Variants in TM4SF19 observed in about 807,000 individuals in gnomAD.
TM4SF19 encodes the protein transmembrane 4 L6 family member 19.
A neutral mutation model predicts 21.8 loss-of-function variants in TM4SF19; 17 were observed. The ratio of observed to expected loss-of-function variants is 0.78; its 90% confidence interval spans 0.53 to 1.17. The LOEUF (loss-of-function observed/expected upper bound fraction) is 1.17. Ranked by LOEUF, TM4SF19 falls within the 50% of genes most tolerant of loss-of-function variation. The pLI is 0.00. For synonymous variants in TM4SF19, 107 were observed against 106.7 expected, an observed-to-expected ratio of 1.00 and a Z score of -0.02; for missense variants, 216 against 252.1, an observed-to-expected ratio of 0.86 and a Z score of 0.97.
Position 196,324,338 on chromosome 3 carries a change from C to G in TM4SF19, c.382G>C (p.Asp128His). ...TGTGTCTGATTGAAGGATGAAACAT[C>G]AAACATGCAAAAAGGACCATCTTTC... ...ALKDGPFCMF[D>H]VSSFNQTQAW... The change falls in exon 4 of 5, where the codon GAT (aspartate) becomes CAT (histidine). Residue 128 changes from aspartate (D) to histidine (H), a missense_variant. Physicochemically the swap from Asp to His is moderately conservative, Grantham distance 81. Transcript: ENST00000273695. 6.2e-7 allele frequency: 1 copy of G among 1,614,116 alleles called. No homozygotes were observed. The highest frequency in any genetic ancestry group is 8.5e-7 in the Non-Finnish European group (1 of 1,180,016).
chr3:196,333,664 C>T (rs184021608), intron 1 of TM4SF19, among the ~76,000 whole-genome samples: 74 of 152,260 alleles, frequency 4.9e-4, no homozygotes, highest in African/African-American at 1.7e-3. Context: ...ACCTGAGTGA[C>T]GGGAATCACT....
rs201610695 is a variant in TM4SF19 at position 196,337,515 on chromosome 3, G to C, written c.-2+749C>G. Among the ~76,000 whole-genome samples, 7 of 152,190 alleles carry C rather than the reference G, an allele frequency of 4.6e-5. No individual in the cohort carries two copies. In the East Asian group the frequency reaches 1.2e-3, roughly 25 times the overall value. On this transcript the variant is annotated intron_variant, in intron 1 of 4. Coordinates refer to ENST00000273695, the MANE Select transcript of TM4SF19 (RefSeq NM_138461.4). ...GTAAGAGCTCAGGAATTGGGCGAGT[G>C]GGCTCAAGCATCTACACTAAGAAGC...
intron 1 of TM4SF19, among the ~76,000 whole-genome samples, chr3:196,332,988 C>T (rs563251900): frequency 6.6e-6 from 1 of 151,720 alleles, no homozygotes; most frequent in Non-Finnish European, 1.5e-5. Context: ...TAGCTGAGAC[C>T]GCAGGCATGC....
chr3:196,323,877 CAGG>C lies in TM4SF19; in HGVS notation c.567_569del (p.Leu190del). ...GGCTGTTGATGACATGAACGACCAC[CAGG>C]AGAAGCTGGAGCAGGCTGATGCACA... On this transcript the variant is annotated inframe_deletion, in exon 5 of 5. Transcript: ENST00000273695. 1 of 1,614,170 alleles carries C rather than the reference CAGG, an allele frequency of 6.2e-7. No homozygotes were observed. The highest frequency in any genetic ancestry group is 8.5e-7 in the Non-Finnish European group (1 of 1,180,044).
intron 1 of TM4SF19, among the ~76,000 whole-genome samples, chr3:196,337,594 G>A (rs1181719603): frequency 1.3e-5 from 2 of 152,076 alleles, no homozygotes; most frequent in African/African-American, 4.8e-5. Flanking sequence ...CTGCTCCGCG[G>A]GTAAGGGAAA....
At chr3:196,324,510 CGCTGA>C (rs1727207069) in intron 3 of TM4SF19, 70 bp from the exon 4 acceptor site, 2 of 1,559,164 alleles carry the variant, frequency 1.3e-6, no homozygotes, top group African/African-American at 2.7e-5. Flanking sequence ...GGAGGAGAAA[CGCTGA>C]GCTAAGACGG....
chr3:196,324,117 GACCGTT>G (rs1727185068), intron 4 of TM4SF19, 120 bp from the exon 5 acceptor site: 1 of 1,429,886 alleles, frequency 7.0e-7, no homozygotes, highest in East Asian at 2.4e-5. Context: ...TCATGAGGGT[GACCGTT>G]ACTGCTCCAT....
At chr3:196,329,183 C>A (rs1167372310) in intron 1 of TM4SF19, among the ~76,000 whole-genome samples, 1 of 126,498 alleles carries the variant, frequency 7.9e-6, no homozygotes, top group African/African-American at 2.7e-5. Context: ...ACCTCGTGAT[C>A]CGCCTGTCTC....
At chr3:196,324,501 G>T in intron 3 of TM4SF19, 61 bp from the exon 4 acceptor site, 2 of 1,577,394 alleles carry the variant, frequency 1.3e-6, no homozygotes, top group South Asian at 2.3e-5. Context: ...CCTGCGGAGG[G>T]AGGAGAAACG....
intron 1 of TM4SF19, among the ~76,000 whole-genome samples, chr3:196,334,059 T>G (rs1020491074): frequency 2.7e-5 from 4 of 147,948 alleles, no homozygotes; most frequent in Admixed American, 6.7e-5. Context: ...AGACTCCGTC[T>G]CAAAAAAAAA....
chr3:196,327,048 G>T lies in TM4SF19; in HGVS notation c.202-16C>A. On this transcript the variant is annotated splice_polypyrimidine_tract_variant and intron_variant, in intron 2 of 4. Coordinates refer to ENST00000273695, the MANE Select transcript of TM4SF19 (RefSeq NM_138461.4). ...CAGTGAGTACCTGCAGGAGAGAGAA[G>T]AATGTTGAGATGGGGAAATCGACTT... 6.3e-7 allele frequency: 1 copy of T among 1,592,896 alleles called. No individual in the cohort carries two copies. The highest frequency in any genetic ancestry group is 8.6e-7 in the Non-Finnish European group (1 of 1,161,804).
In TM4SF19 at chr3:196,325,703, A is replaced by G. The variant is rs1727258065; in HGVS notation, c.279+1252T>C. 6.6e-6 allele frequency: 1 copy of G among 152,218 alleles called. No homozygotes were observed. Among genetic ancestry groups the G allele is most frequent in the African/African-American group, 2.4e-5 (1 of 41,458 alleles). 9.4% of individuals were successfully genotyped at this position (152,218 alleles called of 1,614,324 possible). ...TTGACTCTGAGTTAAAGGAGTCAAG[A>G]TGAATCAGTAAGCCTAGGGCAGTGG... On this transcript the variant is annotated intron_variant, in intron 3 of 4. Transcript: ENST00000273695. This position sits in a 1 kb window ranked among gnomAD's most constrained non-coding sequence, Gnocchi z 4.3.
rs1346617278 is a variant in TM4SF19 at position 196,334,644 on chromosome 3, G to A, written c.-2+3620C>T. ...AATTTTTGTATTTTTAGTAAAGACA[G>A]GGTTTCACCATGTTGGCCAGGCTGG... On this transcript the variant is annotated intron_variant, in intron 1 of 4. Coordinates refer to ENST00000273695, the MANE Select transcript of TM4SF19 (RefSeq NM_138461.4). Among the ~76,000 whole-genome samples the A allele has an allele frequency of 2.6e-5, 4 of 151,932 alleles. No individual in the cohort carries two copies. In the South Asian group the frequency reaches 8.3e-4, roughly 31 times the overall value.
At chr3:196,330,622 A>G (rs1043907009) in intron 1 of TM4SF19, among the ~76,000 whole-genome samples, 6 of 152,198 alleles carry the variant, frequency 3.9e-5, no homozygotes, top group Admixed American at 6.5e-5. Flanking sequence ...GACTACTCAC[A>G]TGTTTCTATA....
intron 1 of TM4SF19, among the ~76,000 whole-genome samples, chr3:196,332,610 C>G (rs772678290): frequency 4.6e-5 from 7 of 150,988 alleles, no homozygotes; most frequent in Admixed American, 6.6e-5. Flanking sequence ...TATGTGTGTA[C>G]GTACACACAC....
chr3:196,329,046 C>T (rs1202120217), intron 1 of TM4SF19, among the ~76,000 whole-genome samples: 6 of 149,522 alleles, frequency 4.0e-5, no homozygotes, highest in African/African-American at 9.8e-5. Flanking sequence ...CAGGTTCAAG[C>T]GATTCTCCTG....
In TM4SF19 at chr3:196,332,254, C is replaced by CA. The variant is rs1224736520; in HGVS notation, c.-1-4664dup. ...TGGGCAAGAGAGTGAGATTCGGTCT[C>CA]AAAAAAAAAAAATTAACTGCGTGGT... On this transcript the variant is annotated intron_variant, in intron 1 of 4. Transcript: ENST00000273695. Among the ~76,000 whole-genome samples, 581 of 140,084 alleles carry CA rather than the reference C, an allele frequency of 4.1e-3. 2 individuals carry two copies. Among genetic ancestry groups the CA allele is most frequent in the African/African-American group, 0.012 (474 of 38,270 alleles). The allele number at this position is 140,084 out of a possible 152,430, so 91.9% of individuals were successfully genotyped here.
intron 1 of TM4SF19, among the ~76,000 whole-genome samples, chr3:196,337,095 C>G (rs998924815): frequency 9.0e-6 from 1 of 111,452 alleles, no homozygotes; most frequent in East Asian, 3.0e-4. Flanking sequence ...CAGTCTCGCT[C>G]TTGTTGCCCA....
At chr3:196,334,108 T>C (rs1727628049) in intron 1 of TM4SF19, among the ~76,000 whole-genome samples, 1 of 152,026 alleles carries the variant, frequency 6.6e-6, no homozygotes, top group East Asian at 1.9e-4. Flanking sequence ...ATGTGTAAAA[T>C]ATATTTGTAA....
Sources: allele counts gnomAD v4.1 joint callset (sites outside exome capture counted in the v4.1 genomes callset), GRCh38; gene constraint gnomAD v4.1.1; non-coding constraint Gnocchi (gnomAD v3.1); transcripts MANE v1.5; gene names NCBI Gene and HGNC (gene_info 2026-07-23, HGNC 2026-07-21).